MYRIP: variants seen among roughly 807,000 people sequenced by gnomAD.
The protein encoded by MYRIP is rab effector MyRIP.
Under a neutral mutation model 98.0 loss-of-function variants are expected in MYRIP, and 49 were observed. That is an observed-to-expected ratio of 0.50 (90% CI 0.40 to 0.63). MYRIP has a LOEUF of 0.63. Among genes scored for constraint, MYRIP ranks in the 30% least tolerant of loss-of-function variants. The pLI, the probability that MYRIP is intolerant of heterozygous loss-of-function variation, is 0.00. For synonymous variants in MYRIP, 404 were observed against 409.5 expected (o/e 0.99, Z 0.16); for missense variants, 1,004 against 1,058.2 (o/e 0.95, Z 0.71).
intron 2 of MYRIP, among the ~76,000 whole-genome samples, chr3:39,977,527 C>A (rs1373541654): frequency 6.6e-6 from 1 of 152,200 alleles, no homozygotes; most frequent in East Asian, 1.9e-4. Flanking sequence ...CTCACTCCGA[C>A]TGCCTTTGGC....
At chr3:39,988,388 A>G (rs1946088523) in intron 2 of MYRIP, among the ~76,000 whole-genome samples, 2 of 151,684 alleles carry the variant, frequency 1.3e-5, no homozygotes, top group Admixed American at 1.3e-4. Context: ...AGGTCTGCTG[A>G]TAGTTTGATG....
intron 2 of MYRIP, among the ~76,000 whole-genome samples, chr3:39,974,422 CA>C (rs1283092850): frequency 6.6e-6 from 1 of 151,874 alleles, no homozygotes; most frequent in African/African-American, 2.4e-5. Context: ...GCTTACCAAC[CA>C]AAAAAAGTCC....
At chr3:39,962,552 CTTTG>C (rs1945348482) in intron 2 of MYRIP, among the ~76,000 whole-genome samples, 2 of 151,550 alleles carry the variant, frequency 1.3e-5, no homozygotes, top group African/African-American at 4.8e-5. Context: ...AATGGTGCTT[CTTTG>C]TTTGTCCAGA....
At chr3:39,850,895 G>A (rs1032852686) in intron 1 of MYRIP, among the ~76,000 whole-genome samples, 11 of 152,252 alleles carry the variant, frequency 7.2e-5, no homozygotes, top group Admixed American at 3.3e-4. Context: ...GAAGAGCTGT[G>A]TATTTTTATT....
chr3:40,045,030 TG>T (rs1947641799), intron 3 of MYRIP, among the ~76,000 whole-genome samples: 1 of 152,166 alleles, frequency 6.6e-6, no homozygotes, highest in African/African-American at 2.4e-5. Context: ...TAGTGTGCAT[TG>T]TGATTCGTAT....
At chr3:40,147,138 T>C (rs1368707385) in intron 3 of MYRIP, among the ~76,000 whole-genome samples, 1 of 152,210 alleles carries the variant, frequency 6.6e-6, no homozygotes, top group East Asian at 1.9e-4. Flanking sequence ...ACTTTAGACT[T>C]TAATGAATAG....
intron 11 of MYRIP, among the ~76,000 whole-genome samples, chr3:40,212,161 TATATATAC>T (rs1427648419): frequency 1.6e-4 from 2 of 12,296 alleles, no homozygotes; most frequent in Non-Finnish European, 5.0e-4. Flanking sequence ...TACGTGTATA[TATATATAC>T]ATATATATAC....
intron 4 of MYRIP, among the ~76,000 whole-genome samples, chr3:40,160,669 G>A (rs372944728): frequency 1.2e-4 from 19 of 152,342 alleles, no homozygotes; most frequent in African/African-American, 2.6e-4. Context: ...AGGACCCTCC[G>A]AGCCAGGTGC....
intron 2 of MYRIP, among the ~76,000 whole-genome samples, chr3:39,999,131 G>T (rs1384238290): frequency 1.3e-5 from 2 of 152,208 alleles, no homozygotes; most frequent in African/African-American, 2.4e-5. Context: ...AGGACTTCAT[G>T]TCTAAAACAC....
At chr3:39,971,885 G>A (rs1462511000) in intron 2 of MYRIP, among the ~76,000 whole-genome samples, 4 of 152,078 alleles carry the variant, frequency 2.6e-5, no homozygotes, top group African/African-American at 7.2e-5. Flanking sequence ...AATGATTCAT[G>A]TGCCATCTGT....
chr3:40,084,782 G>A (rs1347757414), intron 3 of MYRIP, among the ~76,000 whole-genome samples: 11 of 36,688 alleles, frequency 3.0e-4, no homozygotes, highest in East Asian at 7.4e-4. Flanking sequence ...ATATATATGT[G>A]TTACATGTCG....
At chr3:40,110,159 G>T (rs1949130520) in intron 3 of MYRIP, among the ~76,000 whole-genome samples, 1 of 152,200 alleles carries the variant, frequency 6.6e-6, no homozygotes, top group South Asian at 2.1e-4. Context: ...TACAGCCTCA[G>T]GCAGGAATGG....
At chr3:40,169,802 C>T (rs897519880) in intron 7 of MYRIP, 148 bp from the exon 8 acceptor site, 7 of 833,302 alleles carry the variant, frequency 8.4e-6, no homozygotes, top group Admixed American at 5.1e-5. Flanking sequence ...GCTGGTTTCT[C>T]ATAGCGCAGA....
chr3:40,216,176 G>C (rs565912050), intron 11 of MYRIP, among the ~76,000 whole-genome samples: 1 of 152,312 alleles, frequency 6.6e-6, no homozygotes, highest in South Asian at 2.1e-4. Context: ...TACCTGGAAG[G>C]CCAGGATAAG....
chr3:39,993,678 G>A (rs373074240), intron 2 of MYRIP, among the ~76,000 whole-genome samples: 17 of 152,138 alleles, frequency 1.1e-4, no homozygotes, highest in South Asian at 4.2e-4. Context: ...AAAAGCATTC[G>A]GAGACAAACT....
chr3:39,910,143 C>T (rs1319995718), intron 2 of MYRIP, among the ~76,000 whole-genome samples: 1 of 152,198 alleles, frequency 6.6e-6, no homozygotes, highest in Non-Finnish European at 1.5e-5. Flanking sequence ...CCCACCTCTG[C>T]CTCCCAAAGT....
chr3:40,085,579 C>T (rs1948610391), intron 3 of MYRIP, among the ~76,000 whole-genome samples: 1 of 152,222 alleles, frequency 6.6e-6, no homozygotes, highest in Non-Finnish European at 1.5e-5. Context: ...CCACTACACC[C>T]AGCCAGCAGA....
chr3:40,227,528 C>G (rs926493770), intron 11 of MYRIP, among the ~76,000 whole-genome samples: 2 of 151,990 alleles, frequency 1.3e-5, no homozygotes, highest in African/African-American at 4.8e-5. Flanking sequence ...ATTGTAGTGG[C>G]AGGCAATAAT....
chr3:39,902,690 C>T (rs1943772653), intron 2 of MYRIP, among the ~76,000 whole-genome samples: 1 of 152,230 alleles, frequency 6.6e-6, no homozygotes, highest in Admixed American at 6.5e-5. Context: ...CTCCTGGAAA[C>T]TCACATATGG....
Sources: allele counts gnomAD v4.1 joint callset (sites outside exome capture counted in the v4.1 genomes callset), GRCh38; gene constraint gnomAD v4.1.1; transcripts MANE v1.5; gene names NCBI Gene and HGNC (gene_info 2026-07-23, HGNC 2026-07-21).